SDK2: variants seen among roughly 807,000 people sequenced by gnomAD.
SDK2 encodes sidekick cell adhesion molecule 2, also known as protein sidekick-2.
SDK2 carries 105 observed loss-of-function variants against 253.9 expected under a neutral mutation model. The observed-to-expected ratio is 0.41, with a 90% confidence interval of 0.35 to 0.49. The LOEUF (loss-of-function observed/expected upper bound fraction) is 0.49. Among genes scored for constraint, SDK2 ranks in the 20% least tolerant of loss-of-function variants. The pLI, the probability that SDK2 is intolerant of heterozygous loss-of-function variation, is 0.06. For missense variants in SDK2, 2,608 were observed against 3,003.0 expected, an observed-to-expected ratio of 0.87 and a Z score of 3.07; for synonymous variants, 1,249 against 1,234.9, an observed-to-expected ratio of 1.01 and a Z score of -0.24.
At chr17:73,437,430 G>A (rs1012121558) in intron 8 of SDK2, among the ~76,000 whole-genome samples, 4 of 152,068 alleles carry the variant, frequency 2.6e-5, no homozygotes, top group Admixed American at 6.6e-5. Flanking sequence ...CTGGCATTAC[G>A]GTAATTTGTC....
intron 1 of SDK2, among the ~76,000 whole-genome samples, chr17:73,537,179 C>T (rs912127780): frequency 3.3e-5 from 5 of 152,210 alleles, no homozygotes; most frequent in Non-Finnish European, 7.3e-5. Context: ...AGATATTAAT[C>T]CCTTTCTATG....
intron 38 of SDK2, among the ~76,000 whole-genome samples, chr17:73,364,810 C>CGGG (rs1044414404): frequency 9.9e-5 from 15 of 151,970 alleles, no homozygotes; most frequent in African/African-American, 3.6e-4. Flanking sequence ...TCAGTAGAGA[C>CGGG]GGGGTTTCAC....
chr17:73,537,007 G>C (rs1178367596), intron 1 of SDK2, among the ~76,000 whole-genome samples: 1 of 152,136 alleles, frequency 6.6e-6, no homozygotes, highest in Non-Finnish European at 1.5e-5. Context: ...TGAGATCTGG[G>C]GTGCAGGAGC....
intron 1 of SDK2, among the ~76,000 whole-genome samples, chr17:73,565,360 C>A (rs2045297026): frequency 6.6e-6 from 1 of 152,090 alleles, no homozygotes; most frequent in East Asian, 1.9e-4. Context: ...CAGGGGAGAG[C>A]AAGTTTGGAG....
intron 5 of SDK2, among the ~76,000 whole-genome samples, chr17:73,444,794 G>T (rs890981998): frequency 6.6e-6 from 1 of 152,268 alleles, no homozygotes; most frequent in East Asian, 1.9e-4. Context: ...GGTGGGGCAG[G>T]GGTGTGAGCT....
chr17:73,398,273 C>G lies in SDK2; in HGVS notation c.3203+47G>C, dbSNP rs73999034. On this transcript the variant is annotated intron_variant, in intron 23 of 44. Coordinates refer to ENST00000392650, the MANE Select transcript of SDK2 (RefSeq NM_001144952.2). ...TGGTCTGGGCCATAGCCCCCACCCA[C>G]CCCCAGCCCTGAGGCTGCTGCCTTC... 1,467 of 1,605,228 alleles carry G rather than the reference C, an allele frequency of 9.1e-4. 19 individuals carry two copies. The African/African-American group carries it at 0.018, about 20-fold the overall frequency.
rs927945268 is a variant in SDK2, at chr17:73,604,318, T to G, written c.64+39707A>C. On this transcript the variant is annotated intron_variant, in intron 1 of 44. Transcript: ENST00000392650. ...GGAACGCCCAGTCAGAGCCAGCTCC[T>G]CCACCACCCCCTTGTCCTTCGCATC... 2.0e-5 allele frequency among the ~76,000 whole-genome samples: 3 copies of G among 152,158 alleles called. No homozygotes were observed. The East Asian group carries it at 5.8e-4, about 29-fold the overall frequency.
chr17:73,624,690 C>T (rs551669890), intron 1 of SDK2, among the ~76,000 whole-genome samples: 1 of 152,304 alleles, frequency 6.6e-6, no homozygotes, highest in Admixed American at 6.5e-5. Flanking sequence ...GTTTAGCAAC[C>T]GCTGAGTGAT....
chr17:73,542,119 G>A (rs923443351), intron 1 of SDK2, among the ~76,000 whole-genome samples: 2 of 152,246 alleles, frequency 1.3e-5, no homozygotes, highest in African/African-American at 2.4e-5. Flanking sequence ...AAGTACCTGG[G>A]ACTGGCCCAT....
At chr17:73,601,251 C>T (rs2045835627) in intron 1 of SDK2, among the ~76,000 whole-genome samples, 1 of 152,006 alleles carries the variant, frequency 6.6e-6, no homozygotes, top group Non-Finnish European at 1.5e-5. Context: ...AACTCCTGAC[C>T]TCAGGTGATC....
intron 4 of SDK2, among the ~76,000 whole-genome samples, chr17:73,452,811 A>G (rs2145655072): frequency 6.6e-6 from 1 of 152,286 alleles, no homozygotes; most frequent in South Asian, 2.1e-4. Context: ...AGGCCATGGG[A>G]AATAACCTCA....
chr17:73,377,243 G>C (rs1369439201), intron 36 of SDK2, among the ~76,000 whole-genome samples: 12 of 145,442 alleles, frequency 8.3e-5, no homozygotes, highest in Non-Finnish European at 1.8e-4. Flanking sequence ...TTTGGAGACA[G>C]AGTCTTGCTC....
chr17:73,474,131 C>T (rs907522799), intron 2 of SDK2, among the ~76,000 whole-genome samples: 6 of 152,088 alleles, frequency 3.9e-5, no homozygotes, highest in African/African-American at 9.7e-5. Flanking sequence ...CCTTCCAAAG[C>T]GCTAGGATTA....
intron 18 of SDK2, among the ~76,000 whole-genome samples, chr17:73,409,559 G>A (rs1395511705): frequency 6.6e-6 from 1 of 152,092 alleles, no homozygotes; most frequent in Non-Finnish European, 1.5e-5. Context: ...GAACCCGGGA[G>A]GCAGAGGTTG....
At chr17:73,369,349 C>T (rs573736315) in intron 36 of SDK2, 6 of 265,982 alleles carry the variant, frequency 2.3e-5, no homozygotes, top group South Asian at 7.0e-5. Context: ...ACCCCGGGCC[C>T]GCTGCACCAG....
chr17:73,566,009 A>C (rs957585846), intron 1 of SDK2, among the ~76,000 whole-genome samples: 2 of 152,178 alleles, frequency 1.3e-5, no homozygotes, highest in African/African-American at 4.8e-5. Flanking sequence ...TTTTTAGTAG[A>C]GACGGGTTTC....
At chr17:73,417,464 C>T (rs746402548) in intron 16 of SDK2, among the ~76,000 whole-genome samples, 29 of 151,852 alleles carry the variant, frequency 1.9e-4, no homozygotes, top group Non-Finnish European at 3.8e-4. Flanking sequence ...GGGGTGAGCA[C>T]CCCTAGCCCC....
intron 18 of SDK2, among the ~76,000 whole-genome samples, chr17:73,413,789 T>C (rs1432036081): frequency 6.6e-6 from 1 of 152,188 alleles, no homozygotes; most frequent in African/African-American, 2.4e-5. Flanking sequence ...TCAATAAATA[T>C]TGATTGAAGG....
intron 4 of SDK2, among the ~76,000 whole-genome samples, chr17:73,451,732 G>A (rs902482790): frequency 1.3e-5 from 2 of 152,118 alleles, no homozygotes; most frequent in African/African-American, 4.8e-5. Context: ...GTGAAGGAAG[G>A]TCCCTGGGCT....
Sources: gnomAD v4.1 joint callset for allele counts (sites outside exome capture counted in the v4.1 genomes callset) on GRCh38, gnomAD v4.1.1 for gene constraint, MANE v1.5 for transcripts, NCBI Gene and HGNC (gene_info 2026-07-23, HGNC 2026-07-21) for gene names.